RAF1: variants seen among roughly 807,000 people sequenced by gnomAD.
RAF1 encodes RAF proto-oncogene serine/threonine-protein kinase.
A neutral mutation model predicts 81.1 loss-of-function variants in RAF1; 27 were observed. That is an observed-to-expected ratio of 0.33 (90% confidence interval 0.25 to 0.46). The LOEUF (loss-of-function observed/expected upper bound fraction) is 0.46, where lower values mean the gene tolerates loss of function less well. Ranked by LOEUF, RAF1 falls within the 20% of genes least tolerant of loss-of-function variation. The pLI, the probability that RAF1 is intolerant of heterozygous loss-of-function variation, is 1.00. For synonymous variants in RAF1, 298 were observed against 294.0 expected, an observed-to-expected ratio of 1.01 and a Z score of -0.14; for missense variants, 598 against 826.0, an observed-to-expected ratio of 0.72 and a Z score of 3.38.
intron 1 of RAF1, among the ~76,000 whole-genome samples, chr3:12,654,165 G>C (rs2060615744): frequency 2.2e-5 from 1 of 45,306 alleles, no homozygotes; most frequent in African/African-American, 2.2e-4. Flanking sequence ...TAGTTTTTTT[G>C]GTTTTAGAGA....
At chr3:12,594,683 T>C (rs1021717711) in intron 11 of RAF1, among the ~76,000 whole-genome samples, 3 of 152,188 alleles carry the variant, frequency 2.0e-5, no homozygotes. Context: ...ATATGACTTA[T>C]CTCTGTTAAA....
intron 3 of RAF1, 32 bp from the exon 4 acceptor site, chr3:12,609,367 T>A (rs2125421419): frequency 7.0e-7 from 1 of 1,437,174 alleles, no homozygotes; most frequent in Non-Finnish European, 9.8e-7. Flanking sequence ...CATGAAATGT[T>A]TAAACAAGAT....
At chr3:12,603,934 G>A (rs1314063718) in intron 7 of RAF1, among the ~76,000 whole-genome samples, 2 of 152,146 alleles carry the variant, frequency 1.3e-5, no homozygotes, top group Non-Finnish European at 2.9e-5. Context: ...GGAAGTTTTA[G>A]TTCTCCAGTT....
At chr3:12,660,238 C>G (rs2060832825) in intron 1 of RAF1, among the ~76,000 whole-genome samples, 2 of 152,040 alleles carry the variant, frequency 1.3e-5, no homozygotes, top group African/African-American at 4.8e-5. Flanking sequence ...TAATCTGCTT[C>G]TCACTGTTTT....
chr3:12,586,680 G>T (rs1027850652), intron 14 of RAF1, among the ~76,000 whole-genome samples: 1 of 152,122 alleles, frequency 6.6e-6, no homozygotes, highest in Non-Finnish European at 1.5e-5. Flanking sequence ...CACAAGGAAA[G>T]GCTCGTGGAG....
At chr3:12,647,449 C>T (rs990726903) in intron 1 of RAF1, among the ~76,000 whole-genome samples, 2 of 147,700 alleles carry the variant, frequency 1.4e-5, no homozygotes, top group Non-Finnish European at 3.0e-5. Context: ...AAAAATCAGC[C>T]ATGCACGGTG....
At chr3:12,636,948 A>C (rs1400812676) in intron 1 of RAF1, among the ~76,000 whole-genome samples, 2 of 152,224 alleles carry the variant, frequency 1.3e-5, no homozygotes, top group Non-Finnish European at 2.9e-5. Context: ...ACTGAGTTTG[A>C]AATCCAGCTT....
At chr3:12,616,391 A>C (rs1408194187) in intron 2 of RAF1, among the ~76,000 whole-genome samples, 2 of 152,180 alleles carry the variant, frequency 1.3e-5, no homozygotes, top group East Asian at 3.9e-4. Context: ...CTGACTTCTC[A>C]ATTTAAGGTC....
intron 1 of RAF1, among the ~76,000 whole-genome samples, chr3:12,637,036 A>T (rs747955983): frequency 1.3e-5 from 2 of 152,180 alleles, no homozygotes; most frequent in Non-Finnish European, 2.9e-5. Flanking sequence ...TGAAGAATGA[A>T]TAAGATAGTG....
chr3:12,588,718 T>C (rs896014394), intron 13 of RAF1: 1 of 152,174 alleles, frequency 6.6e-6, no homozygotes, highest in African/African-American at 2.4e-5. Context: ...GCAAAATCCA[T>C]AGAAACAGAA....
chr3:12,620,209 T>G (rs1038847096), intron 1 of RAF1, among the ~76,000 whole-genome samples: 2 of 152,078 alleles, frequency 1.3e-5, no homozygotes, highest in African/African-American at 4.8e-5. Flanking sequence ...TGGCGCGATC[T>G]TGGCTCACTG....
At chr3:12,614,909 C>G (rs1231146093) in intron 2 of RAF1, among the ~76,000 whole-genome samples, 3 of 152,160 alleles carry the variant, frequency 2.0e-5, no homozygotes, top group Admixed American at 2.0e-4. Flanking sequence ...TGACCTGCAT[C>G]AAATACTGTA....
chr3:12,608,064 T>C (rs2059096944), intron 5 of RAF1, among the ~76,000 whole-genome samples: 2 of 151,712 alleles, frequency 1.3e-5, no homozygotes, highest in African/African-American at 4.8e-5. Flanking sequence ...TAAGTGACCA[T>C]GAAAGCAAAA....
chr3:12,638,655 A>G lies in RAF1; in HGVS notation c.-26-19908T>C, dbSNP rs572108220. ...TCTGTTCTGTCACAGTAAACGGTAA[A>G]TATTTTCTACCTACTCACACATCCG... is the stretch of plus-strand genomic sequence containing the variant. On this transcript the variant is annotated intron_variant, in intron 1 of 17. Transcript: ENST00000442415. Among the ~76,000 whole-genome samples the G allele has an allele frequency of 4.6e-5, 7 of 152,324 alleles. No homozygotes were observed. In the South Asian group the frequency reaches 1.4e-3, roughly 32 times the overall value.
In RAF1 at chr3:12,603,702, T is replaced by C. The variant is rs1024501108; in HGVS notation, c.835-165A>G. On this transcript the variant is annotated intron_variant, in intron 7 of 17. Coordinates refer to ENST00000442415, the MANE Select transcript of RAF1 (RefSeq NM_001354689.3). Reference sequence around the variant, plus strand: ...TTCAAAAACACTAGCTTTGGGCACTTTGACATCTCCCCAAACACCTGCTTA... The same window carrying C: ...TTCAAAAACACTAGCTTTGGGCACTCTGACATCTCCCCAAACACCTGCTTA... 5.3e-5 allele frequency among the ~76,000 whole-genome samples: 8 copies of C among 152,204 alleles called. No individual in the cohort carries two copies. In the South Asian group the frequency reaches 8.3e-4, roughly 16 times the overall value.
At chr3:12,659,006 A>C (rs1039448275) in intron 1 of RAF1, among the ~76,000 whole-genome samples, 1 of 152,212 alleles carries the variant, frequency 6.6e-6, no homozygotes, top group Non-Finnish European at 1.5e-5. Flanking sequence ...AGAGCTACGC[A>C]AGTCATTCTG....
intron 11 of RAF1, among the ~76,000 whole-genome samples, chr3:12,598,755 C>CAAAAAAAAAAAAAAAAAAAAAAAAAAA (rs1559418330): frequency 1.0e-5 from 1 of 98,930 alleles, no homozygotes. Flanking sequence ...AAAAAAAAAC[C>CAAAAAAAAAAAAAAAAAAAAAAAAAAA]ACCAAGTACT....
intron 13 of RAF1, chr3:12,587,908 G>T: frequency 4.2e-6 from 1 of 237,296 alleles, no homozygotes; most frequent in Non-Finnish European, 7.8e-6. Flanking sequence ...CTGGGCTCAA[G>T]TGATCCTCCC....
chr3:12,624,476 T>A (rs2059641143), intron 1 of RAF1, among the ~76,000 whole-genome samples: 2 of 152,204 alleles, frequency 1.3e-5, no homozygotes, highest in African/African-American at 2.4e-5. Flanking sequence ...AGCATAGATC[T>A]AGCTTTTAAT....
Sources: gnomAD v4.1 joint callset for allele counts (sites outside exome capture counted in the v4.1 genomes callset) on GRCh38, gnomAD v4.1.1 for gene constraint, MANE v1.5 for transcripts, NCBI Gene and HGNC (gene_info 2026-07-23, HGNC 2026-07-21) for gene names.